Variants in STYXL2 observed in about 807,000 individuals in gnomAD.
The protein encoded by STYXL2 is serine/threonine/tyrosine-interacting-like protein 2.
STYXL2 carries 44 observed loss-of-function variants against 52.4 expected under a neutral mutation model. That is an observed-to-expected ratio of 0.84 (90% CI 0.66 to 1.08). The LOEUF is 1.08. Ranked by LOEUF, STYXL2 falls within the 50% of genes least tolerant of loss-of-function variation. The probability of loss-of-function intolerance (pLI) is 0.00; values close to 1 mark genes in which losing one functional copy is unlikely to be tolerated. For missense variants in STYXL2, 1,604 were observed against 1,471.7 expected (o/e 1.09, Z -1.47); for synonymous variants, 604 against 586.9 (o/e 1.03, Z -0.42).
At chr1:167,106,562 A>G (rs746473034) in intron 2 of STYXL2, among the ~76,000 whole-genome samples, 1 of 152,244 alleles carries the variant, frequency 6.6e-6, no homozygotes, top group African/African-American at 2.4e-5. Flanking sequence ...AGGAGTATAA[A>G]TAGTATTAAT....
rs756704438 is a variant in STYXL2 at position 167,126,629 on chromosome 1, A to G, written c.1498A>G (p.Lys500Glu). Reference sequence around the variant, plus strand: ...TTCCCGGAGGTACCACGCCAAGAGCAAGAGAGAGGAGGCGGCAGACAGGAG... The same window carrying G: ...TTCCCGGAGGTACCACGCCAAGAGCGAGAGAGAGGAGGCGGCAGACAGGAG... Reference protein sequence around the residue: ...EASRRYHAKSKREEAADRSSE... With the variant: ...EASRRYHAKSEREEAADRSSE... The change falls in exon 6 of 6, where the codon AAG (lysine) becomes GAG (glutamate). Residue 500 changes from lysine (K) to glutamate (E), a missense_variant. Lys to Glu is a moderately conservative substitution (Grantham distance 56, BLOSUM62 1). Coordinates refer to ENST00000361200, the MANE Select transcript of STYXL2 (RefSeq NM_001080426.3). The G allele has an allele frequency of 5.0e-6, 8 of 1,614,094 alleles. No homozygotes were observed. Among genetic ancestry groups the G allele is most frequent in the Non-Finnish European group, 5.9e-6 (7 of 1,180,010 alleles).
chr1:167,117,197 G>A (rs1436679039), intron 3 of STYXL2, 131 bp from the exon 4 acceptor site: 23 of 790,300 alleles, frequency 2.9e-5, no homozygotes, highest in Non-Finnish European at 4.6e-5. Context: ...TCCTTCCTGG[G>A]AGATCCTGCT....
At chr1:167,104,047 A>T (rs1667457590) in intron 2 of STYXL2, among the ~76,000 whole-genome samples, 1 of 152,084 alleles carries the variant, frequency 6.6e-6, no homozygotes, top group Admixed American at 6.5e-5. Flanking sequence ...ATGAATCGGG[A>T]GGCGGAGCTT....
rs1667955263 is a variant in STYXL2 at position 167,126,013 on chromosome 1, G to C, written c.882G>C (p.Glu294Asp). ...EDYGREGGSA[E>D]AEEGEGTGSM... ...ATGGCCGGGAGGGGGGATCAGCTGAGGCTGAGGAGGGCGAGGGCACTGGGA... is the reference window on the plus strand; with the variant it reads ...ATGGCCGGGAGGGGGGATCAGCTGACGCTGAGGAGGGCGAGGGCACTGGGA... Residue 294 changes from glutamate (E) to aspartate (D), a missense_variant, in exon 6 of 6, where the codon GAG (glutamate) becomes GAC (aspartate). Physicochemically the swap from Glu to Asp is conservative, Grantham distance 45 (BLOSUM62 2). Transcript: ENST00000361200. 2.5e-6 allele frequency: 4 copies of C among 1,604,892 alleles called. No homozygotes were observed. The Admixed American group carries it at 6.7e-5, about 27-fold the overall frequency.
chr1:167,128,974 G>A lies in STYXL2; in HGVS notation c.*366G>A, dbSNP rs924464496. ...GAGACTCCAGTTTACATCCAGAAAG[G>A]CCATGAACATAGGACACGCTTCTGT... is the stretch of plus-strand genomic sequence containing the variant. On this transcript the variant is annotated 3_prime_UTR_variant, in exon 6 of 6. Coordinates refer to ENST00000361200, the MANE Select transcript of STYXL2 (RefSeq NM_001080426.3). 3 of 206,372 alleles carry A rather than the reference G, an allele frequency of 1.5e-5. No individual in the cohort carries two copies. 12.8% of individuals were successfully genotyped at this position (206,372 alleles called of 1,614,324 possible).
chr1:167,107,459 T>A (rs6701030), intron 2 of STYXL2, among the ~76,000 whole-genome samples: 49,338 of 152,006 alleles, frequency 0.32, 9,112 homozygotes, highest in East Asian at 0.73. Context: ...ATTGTATACC[T>A]CTTGGCCTCT....
Position 167,104,893 on chromosome 1 carries a change from A to G in STYXL2, c.111-8817A>G, listed in dbSNP as rs187409807. Among the ~76,000 whole-genome samples the G allele has an allele frequency of 5.9e-5, 9 of 152,220 alleles. No individual in the cohort carries two copies. In the South Asian group the frequency reaches 1.2e-3, roughly 21 times the overall value. Reference sequence around the variant, plus strand: ...GGAAAGTCTGGGCTGAAGGACCCCAATTCCACTACATTCCGTGTCTGGACA... The same window carrying G: ...GGAAAGTCTGGGCTGAAGGACCCCAGTTCCACTACATTCCGTGTCTGGACA... On this transcript the variant is annotated intron_variant, in intron 2 of 5. Transcript: ENST00000361200.
chr1:167,096,843 G>A (rs542891017), intron 2 of STYXL2, among the ~76,000 whole-genome samples: 29 of 152,186 alleles, frequency 1.9e-4, no homozygotes, highest in South Asian at 1.5e-3. Flanking sequence ...CATGTTTACT[G>A]CCTCCTAAGT....
In STYXL2 at chr1:167,102,884, C is replaced by T. The variant is rs556473941; in HGVS notation, c.110+7925C>T. 4.0e-5 allele frequency among the ~76,000 whole-genome samples: 6 copies of T among 149,754 alleles called. No homozygotes were observed. The East Asian group carries it at 5.8e-4, about 14-fold the overall frequency. On this transcript the variant is annotated intron_variant, in intron 2 of 5. Coordinates refer to ENST00000361200, the MANE Select transcript of STYXL2 (RefSeq NM_001080426.3). Reference sequence around the variant, plus strand: ...ACCAAGTCAGCAAATACCTCACCACCGGACTCTTAGTCCTTGTACTAGTTT... The same window carrying T: ...ACCAAGTCAGCAAATACCTCACCACTGGACTCTTAGTCCTTGTACTAGTTT...
At position 167,128,647 on chromosome 1, in the gene STYXL2, C is replaced by T. The variant is rs372523166; in HGVS notation, c.*39C>T. 210 of 1,575,884 alleles carry T rather than the reference C, an allele frequency of 1.3e-4. No individual in the cohort carries two copies. Among genetic ancestry groups the T allele is most frequent in the Non-Finnish European group, 1.6e-4 (185 of 1,166,930 alleles). On this transcript the variant is annotated 3_prime_UTR_variant, in exon 6 of 6. Coordinates refer to ENST00000361200, the MANE Select transcript of STYXL2 (RefSeq NM_001080426.3). Reference sequence around the variant, plus strand: ...TGAGAACACTGAAAGAAACCACTCACGTTAGCATAGGGCTCAGGGCACACG... The same window carrying T: ...TGAGAACACTGAAAGAAACCACTCATGTTAGCATAGGGCTCAGGGCACACG...
intron 2 of STYXL2, among the ~76,000 whole-genome samples, chr1:167,101,396 C>A (rs1667400392): frequency 6.6e-6 from 1 of 152,098 alleles, no homozygotes; most frequent in South Asian, 2.1e-4. Flanking sequence ...TAAAATAGTC[C>A]ATTTTACAGT....
intron 5 of STYXL2, among the ~76,000 whole-genome samples, chr1:167,123,017 G>A (rs1181582488): frequency 1.3e-5 from 2 of 152,136 alleles, no homozygotes; most frequent in African/African-American, 4.8e-5. Context: ...CAGCCCTGCT[G>A]GTAATCAAAA....
intron 3 of STYXL2, among the ~76,000 whole-genome samples, chr1:167,114,660 C>T (rs936815522): frequency 3.3e-5 from 5 of 152,240 alleles, no homozygotes; most frequent in African/African-American, 4.8e-5. Flanking sequence ...GGACCTCTTG[C>T]ACACTTCACA....
intron 3 of STYXL2, among the ~76,000 whole-genome samples, chr1:167,115,788 C>T (rs1045664091): frequency 2.6e-5 from 4 of 152,006 alleles, no homozygotes; most frequent in Admixed American, 6.5e-5. Flanking sequence ...CTTCTTTCTG[C>T]GTTTGAAACG....
Position 167,119,244 on chromosome 1 carries a change from C to T in STYXL2, c.438-5C>T, listed in dbSNP as rs774337811. 1.4e-5 allele frequency: 22 copies of T among 1,613,700 alleles called. No individual in the cohort carries two copies. The highest frequency in any genetic ancestry group is 1.3e-4 in the Admixed American group (8 of 59,984). ...TTGCAAACAGGTCCCTGCCTCTTCCCGCAGGAGTGTGGCTGTGAACAAGGG... is the reference window on the plus strand; with the variant it reads ...TTGCAAACAGGTCCCTGCCTCTTCCTGCAGGAGTGTGGCTGTGAACAAGGG... On this transcript the variant is annotated splice_polypyrimidine_tract_variant and splice_region_variant and intron_variant, in intron 4 of 5. Transcript: ENST00000361200.
chr1:167,127,462 C>T lies in STYXL2; in HGVS notation c.2331C>T (p.Ser777=), dbSNP rs1379202821. The change falls in exon 6 of 6, where the codon TCC becomes TCT. Residue 777 remains serine, a synonymous_variant. Transcript: ENST00000361200. ...QVSMLSGHSS[S]SLGGCLLPQS... ...CCATGCTTAGTGGACACAGCAGCTC[C>T]TCCTTGGGTGGCTGCCTGTTGCCTC... is the stretch of plus-strand genomic sequence containing the variant. The T allele has an allele frequency of 6.2e-7, 1 of 1,614,012 alleles. No homozygotes were observed. The highest frequency in any genetic ancestry group is 1.3e-5 in the African/African-American group (1 of 74,930).
intron 3 of STYXL2, among the ~76,000 whole-genome samples, chr1:167,116,399 C>G (rs992753320): frequency 1.3e-5 from 2 of 152,140 alleles, no homozygotes; most frequent in African/African-American, 4.8e-5. Context: ...CCTTTGCCAC[C>G]TGTCTGTGGG....
intron 5 of STYXL2, among the ~76,000 whole-genome samples, chr1:167,121,844 C>A (rs1421033659): frequency 6.6e-6 from 1 of 152,234 alleles, no homozygotes; most frequent in Non-Finnish European, 1.5e-5. Flanking sequence ...GCCTCACTCT[C>A]CCTGCCAGGC....
chr1:167,094,807 A>G (rs1428672716), intron 1 of STYXL2, 27 bp from the exon 2 acceptor site: 2 of 1,520,118 alleles, frequency 1.3e-6, no homozygotes, highest in Admixed American at 1.8e-5. Context: ...TAATTCCCTA[A>G]CTGCCTTTTT....
Sources: allele counts gnomAD v4.1 joint callset (sites outside exome capture counted in the v4.1 genomes callset), GRCh38; gene constraint gnomAD v4.1.1; transcripts MANE v1.5; gene names NCBI Gene and HGNC (gene_info 2026-07-23, HGNC 2026-07-21).